MYH1: variants seen among roughly 807,000 people sequenced by gnomAD.
MYH1 encodes myosin heavy chain 1.
A neutral mutation model predicts 225.6 loss-of-function variants in MYH1; 214 were observed. The ratio of observed to expected loss-of-function variants is 0.95; its 90% confidence interval spans 0.85 to 1.06. MYH1 has a LOEUF of 1.06. MYH1 is among the 50% of genes least tolerant of loss of function. The probability of loss-of-function intolerance (pLI) is 0.00; values close to 1 mark genes in which losing one functional copy is unlikely to be tolerated. For missense variants in MYH1, 2,098 were observed against 2,344.2 expected (o/e 0.89, Z 2.17); for synonymous variants, 774 against 842.3 (o/e 0.92, Z 1.40).
intron 27 of MYH1, 121 bp downstream of exon 27, chr17:10,500,989 T>C (rs531723153): frequency 1.3e-4 from 193 of 1,485,586 alleles, no homozygotes; most frequent in Middle Eastern, 3.8e-4. Flanking sequence ...AGTTGTACTA[T>C]ACGTGATATG....
Position 10,492,475 on chromosome 17 carries a change from C to A in MYH1, c.5761G>T (p.Val1921Phe). 1 of 1,614,174 alleles carries A rather than the reference C, an allele frequency of 6.2e-7. No homozygotes were observed. Among genetic ancestry groups the A allele is most frequent in the Non-Finnish European group, 8.5e-7 (1 of 1,180,028 alleles). Residue 1921 changes from valine to phenylalanine, a missense_variant, in exon 40 of 40, where the codon GTC (valine) becomes TTC (phenylalanine). Val to Phe is a conservative substitution (Grantham distance 50, BLOSUM62 -1). Coordinates refer to ENST00000226207, the MANE Select transcript of MYH1 (RefSeq NM_005963.4). ...EERADIAESQ[V>F]NKLRVKSREV... ...CTGCTCTTCACCCTCAGCTTGTTGA[C>A]CTGGGACTCAGCAATGTCAGCCCGT...
At chr17:10,498,029 A>C (rs1259957496) in intron 30 of MYH1, 112 bp from the exon 31 acceptor site, 1 of 1,098,782 alleles carries the variant, frequency 9.1e-7, no homozygotes, top group Admixed American at 3.0e-5. Flanking sequence ...TTGCTTCTCA[A>C]GCTTGTTTTG....
intron 15 of MYH1, among the ~76,000 whole-genome samples, 186 bp from the exon 16 acceptor site, chr17:10,508,858 C>T (rs558950336): frequency 3.9e-5 from 6 of 152,322 alleles, no homozygotes; most frequent in Admixed American, 1.3e-4. Flanking sequence ...TCAGGAGCCA[C>T]GTGCTGTATC....
chr17:10,493,421 G>A lies in MYH1; in HGVS notation c.5668-853C>T, dbSNP rs536182551. Among the ~76,000 whole-genome samples the A allele has an allele frequency of 1.8e-3, 280 of 152,140 alleles. 1 individual carries two copies. Among genetic ancestry groups the A allele is most frequent in the Non-Finnish European group, 3.2e-3 (218 of 68,004 alleles). ...AAAATAAAAACCATCAATGAACAGA[G>A]GAACTCATTTGTGATATGTAACTAT... On this transcript the variant is annotated intron_variant, in intron 39 of 39. Coordinates refer to ENST00000226207, the MANE Select transcript of MYH1 (RefSeq NM_005963.4).
In MYH1 at chr17:10,504,812, C is replaced by A. The variant is rs1254514196; in HGVS notation, c.2689G>T (p.Ala897Ser). The A allele has an allele frequency of 1.2e-6, 2 of 1,613,732 alleles. No homozygotes were observed. Among genetic ancestry groups the A allele is most frequent in the Admixed American group, 3.3e-5 (2 of 59,938 alleles). ...EKNDLQLQVQ[A>S]EADSLADAEE... The stretch of plus-strand genomic sequence containing the variant: ...GGAAATGACTTCGGGATACTCACAG[C>A]TTGAACCTGGAGTTGCAAGTCATTT... The change falls in exon 22 of 40, where the codon GCT (alanine) becomes TCT (serine). Residue 897 changes from alanine (A) to serine (S), a missense_variant and splice_region_variant. Ala to Ser is a moderately conservative substitution (Grantham distance 99, BLOSUM62 1). Transcript: ENST00000226207.
chr17:10,500,527 G>A lies in MYH1; in HGVS notation c.3865+99C>T, dbSNP rs2073041507. 3 of 1,550,024 alleles carry A rather than the reference G, an allele frequency of 1.9e-6. No individual in the cohort carries two copies. In the East Asian group the frequency reaches 6.8e-5, roughly 35 times the overall value. ...ATATTAGTGGGGATCTCCCAGGGAG[G>A]TAGTATATGACCTCAAGTAAATAAA... is the stretch of plus-strand genomic sequence containing the variant. On this transcript the variant is annotated intron_variant, in intron 28 of 39. Transcript: ENST00000226207.
chr17:10,497,803 G>C lies in MYH1; in HGVS notation c.4296C>G (p.Leu1432=), dbSNP rs1391842978. Residue 1432 remains leucine (L), a synonymous_variant, in exon 31 of 40, where the codon CTC becomes CTG. Transcript: ENST00000226207. ...KQRLQNEVED[L]MIDVERTNAA... ...CATTTGTCCTCTCAACATCAATCAT[G>C]AGGTCCTCAACTTCATTCTGGAGCC... is the stretch of plus-strand genomic sequence containing the variant. 6.2e-7 allele frequency: 1 copy of C among 1,614,006 alleles called. No homozygotes were observed. Among genetic ancestry groups the C allele is most frequent in the Non-Finnish European group, 8.5e-7 (1 of 1,180,028 alleles).
chr17:10,508,578 C>T lies in MYH1; in HGVS notation c.1682G>A (p.Gly561Glu), dbSNP rs1169015833. ...GGGCTTCTGGAAGTTATTGGATTTT[C>T]CAAGATGTTGTTCATACAGCTTGTT... is the stretch of plus-strand genomic sequence containing the variant. Reference protein sequence around the residue: ...FKNKLYEQHLGKSNNFQKPKP... With the variant: ...FKNKLYEQHLEKSNNFQKPKP... Residue 561 changes from glycine (G) to glutamate (E), a missense_variant, in exon 16 of 40, where the codon GGA (glycine) becomes GAA (glutamate). Coordinates refer to ENST00000226207, the MANE Select transcript of MYH1 (RefSeq NM_005963.4). 3.7e-6 allele frequency: 6 copies of T among 1,614,036 alleles called. No individual in the cohort carries two copies. The highest frequency in any genetic ancestry group is 5.1e-6 in the Non-Finnish European group (6 of 1,180,040).
At position 10,502,844 on chromosome 17, in the gene MYH1, G is replaced by C; in HGVS notation, c.3005C>G (p.Ala1002Gly). The C allele has an allele frequency of 6.2e-7, 1 of 1,614,060 alleles. No individual in the cohort carries two copies. The highest frequency in any genetic ancestry group is 8.5e-7 in the Non-Finnish European group (1 of 1,180,026). Residue 1002 changes from alanine (A) to glycine (G), a missense_variant, in exon 24 of 40, where the codon GCT becomes GGT. Transcript: ENST00000226207. ...TIAKLTKEKK[A>G]LQEAHQQTLD... ...GGTCTGCTGGTGGGCCTCCTGGAGA[G>C]CCTTCTTCTCCTTGGTCAGCTTAGC...
rs370037749 is a variant in MYH1, at chr17:10,495,331, G to A, written c.5170-14C>T. On this transcript the variant is annotated splice_polypyrimidine_tract_variant and intron_variant, in intron 35 of 39. Coordinates refer to ENST00000226207, the MANE Select transcript of MYH1 (RefSeq NM_005963.4). Reference sequence around the variant, plus strand: ...CAGGCTGGTGTTCTGTTTAAAATGTGAAATTTAGAAATATTAGGCACATGA... The same window carrying A: ...CAGGCTGGTGTTCTGTTTAAAATGTAAAATTTAGAAATATTAGGCACATGA... 7.4e-6 allele frequency: 12 copies of A among 1,613,700 alleles called. No homozygotes were observed. In the African/African-American group the frequency reaches 1.5e-4, roughly 20 times the overall value.
At chr17:10,502,184 TG>T (rs2073065434) in intron 24 of MYH1, among the ~76,000 whole-genome samples, 1 of 152,236 alleles carries the variant, frequency 6.6e-6, no homozygotes, top group Non-Finnish European at 1.5e-5. Flanking sequence ...CTTTTCCAGC[TG>T]GGATGGACAC....
intron 15 of MYH1, 116 bp from the exon 16 acceptor site, chr17:10,508,788 A>G: frequency 2.1e-6 from 3 of 1,415,586 alleles, no homozygotes; most frequent in Non-Finnish European, 2.8e-6. Flanking sequence ...TACAGAGTTA[A>G]CGAAAACTCG....
Position 10,505,394 on chromosome 17 carries a change from G to A in MYH1, c.2292C>T (p.His764=). 2 of 1,614,242 alleles carry A rather than the reference G, an allele frequency of 1.2e-6. No homozygotes were observed. The highest frequency in any genetic ancestry group is 1.1e-5 in the South Asian group (1 of 91,086). The change falls in exon 20 of 40, where the codon CAC becomes CAT. Residue 764 remains histidine, a synonymous_variant. Coordinates refer to ENST00000226207, the MANE Select transcript of MYH1 (RefSeq NM_005963.4). Reference sequence around the variant, plus strand: ...AGGATTTACAGAATATTACCTTGGTGTGACCAAATTTATACTGGGTGTGGT... The same window carrying A: ...AGGATTTACAGAATATTACCTTGGTATGACCAAATTTATACTGGGTGTGGT... ...DIDHTQYKFG[H]TKVFFKAGLL...
At position 10,500,748 on chromosome 17, in the gene MYH1, T is replaced by A; in HGVS notation, c.3743A>T (p.Asn1248Ile). 1 of 1,614,094 alleles carries A rather than the reference T, an allele frequency of 6.2e-7. No homozygotes were observed. Among genetic ancestry groups the A allele is most frequent in the Non-Finnish European group, 8.5e-7 (1 of 1,180,016 alleles). The change falls in exon 28 of 40, where the codon AAC (asparagine) becomes ATC (isoleucine). Residue 1248 changes from asparagine to isoleucine, a missense_variant. Physicochemically the swap from Asn to Ile is moderately radical, Grantham distance 149. Coordinates refer to ENST00000226207, the MANE Select transcript of MYH1 (RefSeq NM_005963.4). ...TAGAGCGCGGCACATCTTTTCAAGG[T>A]TTCCCTGCATTCAAAAAGTGGTAGA... is the stretch of plus-strand genomic sequence containing the variant. ...NMETVSKAKG[N>I]LEKMCRALED...
At position 10,512,727 on chromosome 17, in the gene MYH1, A is replaced by T. The variant is rs202093997; in HGVS notation, c.962T>A (p.Ile321Asn). Residue 321 changes from isoleucine (I) to asparagine (N), a missense_variant, in exon 11 of 40, where the codon ATC (isoleucine) becomes AAC (asparagine). Transcript: ENST00000226207. ...YDYAFVSQGE[I>N]TVPSIDDQEE... The stretch of plus-strand genomic sequence containing the variant: ...TTGGTCATCAATGCTGGGCACTGTG[A>T]TCTCCCCTTGACTGACGAAGGCATA... 30 of 1,613,804 alleles carry T rather than the reference A, an allele frequency of 1.9e-5. 1 individual carries two copies. The South Asian group carries it at 3.2e-4, about 17-fold the overall frequency.
intron 6 of MYH1, 46 bp from the exon 7 acceptor site, chr17:10,514,170 A>G (rs777259123): frequency 1.9e-6 from 3 of 1,595,602 alleles, no homozygotes; most frequent in Non-Finnish European, 2.6e-6. Flanking sequence ...GTGACAAATG[A>G]AACTACAACT....
rs762547535 is a variant in MYH1, at chr17:10,494,994, C to T, written c.5403G>A (p.Leu1801=). 3 of 1,614,096 alleles carry T rather than the reference C, an allele frequency of 1.9e-6. No homozygotes were observed. Among genetic ancestry groups the T allele is most frequent in the African/African-American group, 2.7e-5 (2 of 74,932 alleles). ...EQTVKDLQHR[L]DEAEQLALKG... is the part of the protein sequence containing the mutation. ...TCAGGGCCAGCTGCTCAGCCTCATC[C>T]AGACGATGCTGCAGGTCCTTCACCG... The change falls in exon 37 of 40, where the codon CTG becomes CTA. Residue 1801 remains leucine, a synonymous_variant. Transcript: ENST00000226207.
intron 28 of MYH1, among the ~76,000 whole-genome samples, 164 bp downstream of exon 28, chr17:10,500,462 G>A (rs550260428): frequency 6.6e-6 from 1 of 151,758 alleles, no homozygotes; most frequent in South Asian, 2.1e-4. Context: ...GTATATATAT[G>A]AAAGAAAGCA....
At position 10,505,274 on chromosome 17, in the gene MYH1, C is replaced by T; in HGVS notation, c.2324G>A (p.Gly775Glu). 6.2e-7 allele frequency: 1 copy of T among 1,614,152 alleles called. No individual in the cohort carries two copies. Among genetic ancestry groups the T allele is most frequent in the Non-Finnish European group, 8.5e-7 (1 of 1,180,034 alleles). The change falls in exon 21 of 40, where the codon GGG becomes GAG. Residue 775 changes from glycine (G) to glutamate (E), a missense_variant. Coordinates refer to ENST00000226207, the MANE Select transcript of MYH1 (RefSeq NM_005963.4). ...TKVFFKAGLL[G>E]LLEEMRDEKL... Reference sequence around the variant, plus strand: ...CTCATCTCGCATCTCCTCTAGGAGCCCCAGAAGACCAGCTTTGAAAAAGAC... The same window carrying T: ...CTCATCTCGCATCTCCTCTAGGAGCTCCAGAAGACCAGCTTTGAAAAAGAC...
Sources: allele counts gnomAD v4.1 joint callset (sites outside exome capture counted in the v4.1 genomes callset), GRCh38; gene constraint gnomAD v4.1.1; transcripts MANE v1.5; gene names NCBI Gene and HGNC (gene_info 2026-07-23, HGNC 2026-07-21).